The following NXN variants were observed in gnomAD, a reference collection of about 807,000 sequenced individuals.
NXN encodes the protein nucleoredoxin 1.
NXN carries 16 observed loss-of-function variants against 48.6 expected under a neutral mutation model. The observed-to-expected ratio is 0.33, with a 90% confidence interval of 0.22 to 0.50. The LOEUF is 0.50. NXN is among the 20% of genes least tolerant of loss of function. The pLI, the probability that NXN is intolerant of heterozygous loss-of-function variation, is 0.98. For missense variants in NXN, 492 were observed against 605.5 expected (o/e 0.81, Z 1.97); for synonymous variants, 281 against 269.6 (o/e 1.04, Z -0.41).
At chr17:900,051 A>G (rs546127842) in intron 1 of NXN, among the ~76,000 whole-genome samples, 2 of 152,304 alleles carry the variant, frequency 1.3e-5, no homozygotes, top group Admixed American at 1.3e-4. Context: ...GGATCTCCTG[A>G]GGTCAGGAGT....
chr17:930,635 G>A (rs1337118905), intron 1 of NXN, among the ~76,000 whole-genome samples: 2 of 152,092 alleles, frequency 1.3e-5, no homozygotes, highest in African/African-American at 4.8e-5. Flanking sequence ...CTGATGGGCA[G>A]GATAGAAAGA....
rs1470164166 is a variant in NXN, at chr17:901,703, TTGTTC to T, written c.361-75630_361-75626del. 2.0e-5 allele frequency among the ~76,000 whole-genome samples: 3 copies of T among 151,966 alleles called. No homozygotes were observed. The East Asian group carries it at 5.8e-4, about 29-fold the overall frequency. On this transcript the variant is annotated intron_variant, in intron 1 of 7. Transcript: ENST00000336868. ...TCAGCTTGCTGTTTGTTTTTTTGTT[TTGTTC>T]TGTTTTTTGGAGATGGGATATCGCT...
intron 1 of NXN, among the ~76,000 whole-genome samples, chr17:887,760 T>C (rs971149638): frequency 6.6e-6 from 1 of 151,694 alleles, no homozygotes; most frequent in Non-Finnish European, 1.5e-5. Flanking sequence ...AAAGGCTTTC[T>C]ACGTGTTTCT....
intron 1 of NXN, among the ~76,000 whole-genome samples, chr17:912,507 CT>C (rs909254697): frequency 2.0e-5 from 3 of 152,088 alleles, no homozygotes; most frequent in African/African-American, 7.2e-5. Flanking sequence ...TCAAATGTTC[CT>C]TTTGCCAGTT....
rs562155317 is a variant in NXN, at chr17:841,860, C to T, written c.361-15782G>A. On this transcript the variant is annotated intron_variant, in intron 1 of 7. Transcript: ENST00000336868. ...TTCCAATTACACCTGCTCTAGGTGG[C>T]GCACGGCGGCTCACGTCTGTAATCC... 9.2e-5 allele frequency among the ~76,000 whole-genome samples: 14 copies of T among 152,192 alleles called. No homozygotes were observed. The East Asian group carries it at 1.9e-3, about 21-fold the overall frequency.
chr17:911,665 ACCC>A (rs2068638015), intron 1 of NXN, among the ~76,000 whole-genome samples: 1 of 149,764 alleles, frequency 6.7e-6, no homozygotes, highest in East Asian at 2.0e-4. Flanking sequence ...GGTTTCTTTC[ACCC>A]TGTTAGCCAG....
intron 1 of NXN, among the ~76,000 whole-genome samples, chr17:960,540 C>G (rs1273734339): frequency 6.6e-6 from 1 of 152,162 alleles, no homozygotes; most frequent in Middle Eastern, 3.4e-3. Flanking sequence ...GACAGGATCT[C>G]CCCATGTTGT....
At chr17:816,907 A>AGGCACG (rs1912498159) in intron 5 of NXN, among the ~76,000 whole-genome samples, 1 of 152,158 alleles carries the variant, frequency 6.6e-6, no homozygotes, top group African/African-American at 2.4e-5. Flanking sequence ...TCCTACCCCC[A>AGGCACG]GGCACGGGCA....
At chr17:955,411 C>A in intron 1 of NXN, among the ~76,000 whole-genome samples, 1 of 150,692 alleles carries the variant, frequency 6.6e-6, no homozygotes, top group Non-Finnish European at 1.5e-5. Flanking sequence ...CTCAGGTGAT[C>A]CACCCGCCTC....
rs771571628 is a variant in NXN, at chr17:801,128, C to T, written c.1129G>A (p.Asp377Asn). The change falls in exon 8 of 8, where the codon GAC becomes AAC. Residue 377 changes from aspartate (D) to asparagine (N), a missense_variant. Physicochemically the swap from Asp to Asn is conservative, Grantham distance 23. This residue lies in a region of NXN where 303 missense variants were observed against 388.3 expected (regional missense o/e 0.78). Transcript: ENST00000336868. Reference sequence around the variant, plus strand: ...TAATCTCGCAGGGAGTCAGTCATGTCATCCTGAAGCCGTCAGGAGGGAGAG... The same window carrying T: ...TAATCTCGCAGGGAGTCAGTCATGTTATCCTGAAGCCGTCAGGAGGGAGAG... ...PLLFFVAGED[D>N]MTDSLRDYTN... 1.6e-5 allele frequency: 25 copies of T among 1,529,418 alleles called. No homozygotes were observed. The highest frequency in any genetic ancestry group is 2.2e-5 in the Non-Finnish European group (25 of 1,136,912). 94.7% of individuals were successfully genotyped at this position (1,529,418 alleles called of 1,614,324 possible).
intron 1 of NXN, among the ~76,000 whole-genome samples, chr17:893,204 G>A (rs2068441740): frequency 6.6e-6 from 1 of 152,238 alleles, no homozygotes; most frequent in Middle Eastern, 3.2e-3. Context: ...GTCAATCAGT[G>A]CAGTTGTATC....
chr17:804,428 G>A (rs1478081884), intron 6 of NXN, among the ~76,000 whole-genome samples: 7 of 152,022 alleles, frequency 4.6e-5, no homozygotes, highest in African/African-American at 1.2e-4. Flanking sequence ...GATTACAGGC[G>A]TGAGCCACCA....
At chr17:927,974 G>A (rs1463999317) in intron 1 of NXN, among the ~76,000 whole-genome samples, 1 of 151,964 alleles carries the variant, frequency 6.6e-6, no homozygotes, top group Admixed American at 6.6e-5. Flanking sequence ...GTGGTCATTA[G>A]CAAAGAGAGG....
intron 1 of NXN, among the ~76,000 whole-genome samples, chr17:842,354 G>A (rs1220669791): frequency 6.6e-6 from 1 of 152,220 alleles, no homozygotes; most frequent in African/African-American, 2.4e-5. Flanking sequence ...GCCGCTGGTG[G>A]CCACACAGGT....
chr17:895,011 T>G, intron 1 of NXN, among the ~76,000 whole-genome samples: 1 of 47,032 alleles, frequency 2.1e-5, no homozygotes, highest in Non-Finnish European at 5.6e-5. Context: ...TTTTTTTTTT[T>G]TTTTTTTTTT....
At chr17:831,537 A>G (rs1296042254) in intron 1 of NXN, among the ~76,000 whole-genome samples, 2 of 151,812 alleles carry the variant, frequency 1.3e-5, no homozygotes, top group African/African-American at 4.8e-5. Flanking sequence ...ACACAATCTC[A>G]GCTCACTGCA....
At position 823,665 on chromosome 17, in the gene NXN, C is replaced by T; in HGVS notation, c.579G>A (p.Gly193=). 1.2e-6 allele frequency: 2 copies of T among 1,614,142 alleles called. No homozygotes were observed. Among genetic ancestry groups the T allele is most frequent in the Non-Finnish European group, 1.7e-6 (2 of 1,180,028 alleles). The change falls in exon 3 of 8, where the codon GGG becomes GGA. Residue 193 remains glycine (G), a synonymous_variant. Coordinates refer to ENST00000336868, the MANE Select transcript of NXN (RefSeq NM_022463.5). ...GQSLESSSLE[G]SHVGVYFSAH... ...CGGAGAAATAGACGCCCACGTGAGA[C>T]CCCTCCAGGCTGCTGCTCTCCAGAG...
chr17:869,775 G>C (rs1430323661), intron 1 of NXN, among the ~76,000 whole-genome samples: 1 of 152,210 alleles, frequency 6.6e-6, no homozygotes, highest in African/African-American at 2.4e-5. Flanking sequence ...CTGCTCGTTC[G>C]TGTTCCACGG....
chr17:955,319 C>T (rs1054009598), intron 1 of NXN, among the ~76,000 whole-genome samples: 2 of 151,820 alleles, frequency 1.3e-5, no homozygotes, highest in Non-Finnish European at 2.9e-5. Flanking sequence ...AGGCATGCGC[C>T]ACCACACCCT....
Sources: allele counts gnomAD v4.1 joint callset (sites outside exome capture counted in the v4.1 genomes callset), GRCh38; gene constraint gnomAD v4.1.1; regional missense constraint gnomAD v4.1.1; transcripts MANE v1.5; gene names NCBI Gene and HGNC (gene_info 2026-07-23, HGNC 2026-07-21).